The following EPB41L1 variants were observed in gnomAD, a reference collection of about 807,000 sequenced individuals.
The protein encoded by EPB41L1 is erythrocyte membrane protein band 4.1 like 1.
EPB41L1 carries 29 observed loss-of-function variants against 97.8 expected under a neutral mutation model. That is an observed-to-expected ratio of 0.30 (90% CI 0.22 to 0.40). The LOEUF (loss-of-function observed/expected upper bound fraction) is 0.40, where lower values mean the gene tolerates loss of function less well. Among genes scored for constraint, EPB41L1 ranks in the 10% least tolerant of loss-of-function variants. The pLI, the probability that EPB41L1 is intolerant of heterozygous loss-of-function variation, is 1.00. For synonymous variants in EPB41L1, 383 were observed against 459.2 expected, an observed-to-expected ratio of 0.83 and a Z score of 2.12; for missense variants, 812 against 1,162.3, an observed-to-expected ratio of 0.70 and a Z score of 4.38.
rs2061322563 is a variant in EPB41L1 at position 36,178,013 on chromosome 20, A to C, written c.404A>C (p.Lys135Thr). 1 of 1,614,028 alleles carries C rather than the reference A, an allele frequency of 6.2e-7. No individual in the cohort carries two copies. Among genetic ancestry groups the C allele is most frequent in the African/African-American group, 1.3e-5 (1 of 74,904 alleles). Residue 135 changes from lysine (K) to threonine (T), a missense_variant, in exon 4 of 22, where the codon AAG becomes ACG. Coordinates refer to ENST00000338074, the MANE Select transcript of EPB41L1 (RefSeq NM_012156.2). ...LVCEHLNLLE[K>T]DYFGLTFCDA... ...TGTGAACACCTCAACCTCCTAGAGA[A>C]GGACTACTTCGGCCTGACCTTCTGT... is the stretch of plus-strand genomic sequence containing the variant.
chr20:36,137,179 A>G lies in EPB41L1; in HGVS notation c.-10+24699A>G, dbSNP rs6142517. Among the ~76,000 whole-genome samples the G allele has an allele frequency of 6.0e-3, 859 of 143,920 alleles. 14 individuals carry two copies. Among genetic ancestry groups the G allele is most frequent in the East Asian group, 0.057 (271 of 4,780 alleles). 94.4% of individuals were successfully genotyped at this position (143,920 alleles called of 152,430 possible). On this transcript the variant is annotated intron_variant, in intron 2 of 19. Transcript: ENST00000202028. ...AACCTCTGCCTCCTGGGCTCAAGGG[A>G]TATTCGCCCCTCAGCCTCCCAAGTA...
intron 1 of EPB41L1, among the ~76,000 whole-genome samples, chr20:36,107,177 A>C (rs2058216663): frequency 6.9e-6 from 1 of 145,260 alleles, no homozygotes; most frequent in South Asian, 2.2e-4. Flanking sequence ...TTGACAAACT[A>C]TGCGTGTTTG....
chr20:36,225,843 C>T (rs923350163), intron 21 of EPB41L1, among the ~76,000 whole-genome samples: 5 of 152,164 alleles, frequency 3.3e-5, no homozygotes, highest in Admixed American at 6.5e-5. Context: ...CTGCCCACCC[C>T]GCCGCGATGC....
Position 36,209,665 on chromosome 20 carries a change from C to T in EPB41L1, c.1846C>T (p.Leu616=), listed in dbSNP as rs914190492. ...CATCACGGTCAGCTCTACGTCTAGC[C>T]TGGAGGCTGAGGTGGACTTCACGGT... ...SSITVSSTSS[L]EAEVDFTVIG... Residue 616 remains leucine (L), a synonymous_variant, in exon 15 of 22, where the codon CTG becomes TTG. Transcript: ENST00000338074. The surrounding 1 kb of genome is among the most constrained non-coding windows in gnomAD (Gnocchi z 4.2). 2 of 1,613,956 alleles carry T rather than the reference C, an allele frequency of 1.2e-6. No homozygotes were observed. The highest frequency in any genetic ancestry group is 1.3e-5 in the African/African-American group (1 of 74,920).
chr20:36,222,539 C>T, intron 21 of EPB41L1, 145 bp downstream of exon 21: 2 of 668,696 alleles, frequency 3.0e-6, no homozygotes, highest in Non-Finnish European at 5.2e-6. Context: ...TGATTTGCTG[C>T]TCAAAGGAGA....
chr20:36,159,213 T>C (rs569834370), intron 1 of EPB41L1, among the ~76,000 whole-genome samples: 4 of 152,196 alleles, frequency 2.6e-5, no homozygotes, highest in Non-Finnish European at 5.9e-5. Flanking sequence ...GAAGATTGGG[T>C]AGCATCTTTT....
At chr20:36,177,851 G>C in intron 3 of EPB41L1, 101 bp from the exon 4 acceptor site, 1 of 938,316 alleles carries the variant, frequency 1.1e-6, no homozygotes, top group Non-Finnish European at 1.7e-6. Context: ...ACACCGAAAG[G>C]CCCTTGGGGT....
intron 11 of EPB41L1, 22 bp from the exon 12 acceptor site, chr20:36,194,190 T>G: frequency 6.2e-7 from 1 of 1,612,816 alleles, no homozygotes; most frequent in Non-Finnish European, 8.5e-7. Flanking sequence ...CATGGTTGCC[T>G]GGCTATCTCC....
At position 36,173,763 on chromosome 20, in the gene EPB41L1, G is replaced by A; in HGVS notation, c.-14-1G>A. ...ACATGATCTCCTTCATGCCAATGCAGGCGTGCTGGTCACCATGACAACAGA... is the reference window on the plus strand; with the variant it reads ...ACATGATCTCCTTCATGCCAATGCAAGCGTGCTGGTCACCATGACAACAGA... On this transcript the variant is annotated splice_acceptor_variant, in intron 1 of 21. Coordinates refer to ENST00000338074, the MANE Select transcript of EPB41L1 (RefSeq NM_012156.2). LOFTEE classifies it low-confidence loss of function (5UTR_SPLICE). 3.1e-6 allele frequency: 5 copies of A among 1,614,078 alleles called. No homozygotes were observed. The highest frequency in any genetic ancestry group is 4.2e-6 in the Non-Finnish European group (5 of 1,179,952).
At position 36,206,191 on chromosome 20, in the gene EPB41L1, G is replaced by A. The variant is rs866524251; in HGVS notation, c.1669-3297G>A. ...CCGCACATTGGCAGAAAAGCTCCTC[G>A]AGGGCTCTGAGCTCAGGGCAGACAC... On this transcript the variant is annotated intron_variant, in intron 14 of 21. Coordinates refer to ENST00000338074, the MANE Select transcript of EPB41L1 (RefSeq NM_012156.2). This position sits in a 1 kb window ranked among gnomAD's most constrained non-coding sequence, Gnocchi z 5.5. The A allele has an allele frequency of 6.2e-6, 8 of 1,289,880 alleles. No individual in the cohort carries two copies. Among genetic ancestry groups the A allele is most frequent in the African/African-American group, 1.5e-5 (1 of 66,016 alleles). 79.9% of individuals were successfully genotyped at this position (1,289,880 alleles called of 1,614,324 possible). A position where few individuals can be genotyped will look rare whatever the true frequency, so the allele number is the denominator to read the frequency against.
rs1042416629 is a variant in EPB41L1 at position 36,185,180 on chromosome 20, C to T, written c.630C>T (p.Val210=). 32 of 1,613,388 alleles carry T rather than the reference C, an allele frequency of 2.0e-5. No homozygotes were observed. Among genetic ancestry groups the T allele is most frequent in the Non-Finnish European group, 2.6e-5 (31 of 1,180,032 alleles). The stretch of plus-strand genomic sequence containing the variant: ...CGGGCCGGCTGCCATGCTCCTTTGT[C>T]ACGCATGCCCTACTGGGCTCCTACG... The part of the protein sequence containing the change: ...IITGRLPCSF[V]THALLGSYAV... The change falls in exon 7 of 22, where the codon GTC becomes GTT. Residue 210 remains valine (V), a synonymous_variant. Coordinates refer to ENST00000338074, the MANE Select transcript of EPB41L1 (RefSeq NM_012156.2).
At chr20:36,148,263 G>A (rs1334636922) in intron 2 of EPB41L1, among the ~76,000 whole-genome samples, 1 of 152,204 alleles carries the variant, frequency 6.6e-6, no homozygotes, top group African/African-American at 2.4e-5. Flanking sequence ...CCCTTGGACA[G>A]GTCACATGAC....
In EPB41L1 at chr20:36,212,103, G is replaced by A. The variant is rs2063166532; in HGVS notation, c.2080-169G>A. ...TCCTGGCTCTCCTCGCGGGCTATCT[G>A]TCTATGATATCACACCACAACTCTT... On this transcript the variant is annotated intron_variant, in intron 15 of 21. Coordinates refer to ENST00000338074, the MANE Select transcript of EPB41L1 (RefSeq NM_012156.2). This position sits in a 1 kb window ranked among gnomAD's most constrained non-coding sequence, Gnocchi z 4.8. Among the ~76,000 whole-genome samples the A allele has an allele frequency of 6.6e-6, 1 of 152,228 alleles. No homozygotes were observed. The highest frequency in any genetic ancestry group is 2.4e-5 in the African/African-American group (1 of 41,454).
upstream of EPB41L1, chr20:36,151,482 A>C (rs1427148998): frequency 6.6e-6 from 1 of 152,254 alleles, no homozygotes; most frequent in Non-Finnish European, 1.5e-5. Context: ...CAGAATTTGC[A>C]GCTAAGGAAC....
chr20:36,178,492 G>T (rs2061342899), intron 4 of EPB41L1, 138 bp from the exon 5 acceptor site: 1 of 873,000 alleles, frequency 1.1e-6, no homozygotes, highest in Admixed American at 1.9e-5. Context: ...CCAAGGAAAA[G>T]GAACCAAGAG....
At chr20:36,100,712 T>C (rs539316004) in intron 1 of EPB41L1, among the ~76,000 whole-genome samples, 31 of 152,314 alleles carry the variant, frequency 2.0e-4, no homozygotes, top group African/African-American at 7.0e-4. Flanking sequence ...GAGTCTTTCC[T>C]ATATGGCCTG....
At chr20:36,169,009 C>T (rs1188621908) in intron 1 of EPB41L1, among the ~76,000 whole-genome samples, 1 of 150,890 alleles carries the variant, frequency 6.6e-6, no homozygotes, top group Non-Finnish European at 1.5e-5. Context: ...GGGTGGATCA[C>T]AAAGTCAGGA....
At position 36,188,513 on chromosome 20, in the gene EPB41L1, G is replaced by A. The variant is rs779245456; in HGVS notation, c.1026+14G>A. On this transcript the variant is annotated intron_variant, in intron 9 of 21. Coordinates refer to ENST00000338074, the MANE Select transcript of EPB41L1 (RefSeq NM_012156.2). ...CGGCCTGGGGAGGTGAGTCTGCCTT[G>A]GGAAACACTCCTCCTCACCGGAATC... 6 of 1,598,052 alleles carry A rather than the reference G, an allele frequency of 3.8e-6. No individual in the cohort carries two copies. Among genetic ancestry groups the A allele is most frequent in the Admixed American group, 1.7e-5 (1 of 58,984 alleles).
intron 1 of EPB41L1, among the ~76,000 whole-genome samples, chr20:36,102,564 C>G (rs1209176783): frequency 1.3e-5 from 2 of 152,116 alleles, no homozygotes; most frequent in African/African-American, 4.8e-5. Context: ...ACAGGATAAT[C>G]CCAAGTTTCC....
Sources: allele counts gnomAD v4.1 joint callset (sites outside exome capture counted in the v4.1 genomes callset), GRCh38; gene constraint gnomAD v4.1.1; non-coding constraint Gnocchi (gnomAD v3.1); transcripts MANE v1.5; gene names NCBI Gene and HGNC (gene_info 2026-07-23, HGNC 2026-07-21).